Variants in ST6GALNAC3 observed in about 807,000 individuals in gnomAD.
The protein encoded by ST6GALNAC3 is ST6 N-acetylgalactosaminide alpha-2,6-sialyltransferase 3, also known as alpha-N-acetylgalactosaminide alpha-2,6-sialyltransferase 3.
A neutral mutation model predicts 32.7 loss-of-function variants in ST6GALNAC3; 25 were observed. The observed-to-expected ratio is 0.76, with a 90% CI of 0.56 to 1.07. The LOEUF is 1.07. ST6GALNAC3 is among the 50% of genes least tolerant of loss of function. The probability of loss-of-function intolerance (pLI) is 0.00; values close to 1 mark genes in which losing one functional copy is unlikely to be tolerated. For missense variants in ST6GALNAC3, 355 were observed against 382.4 expected, an observed-to-expected ratio of 0.93 and a Z score of 0.60; for synonymous variants, 129 against 133.1, an observed-to-expected ratio of 0.97 and a Z score of 0.21.
chr1:76,206,410 A>G (rs374417494), intron 1 of ST6GALNAC3, among the ~76,000 whole-genome samples: 31 of 152,322 alleles, frequency 2.0e-4, no homozygotes, highest in Admixed American at 3.9e-4. Context: ...GCAGTTGACA[A>G]TATTTCCTAG....
chr1:76,277,557 TATATATATATAC>T (rs1659218492), intron 1 of ST6GALNAC3, among the ~76,000 whole-genome samples: 3 of 56,918 alleles, frequency 5.3e-5, no homozygotes, highest in Non-Finnish European at 9.5e-5. Context: ...TATATATATA[TATATATATATAC>T]ACACACACAT....
intron 1 of ST6GALNAC3, among the ~76,000 whole-genome samples, chr1:76,120,110 T>C (rs1031936062): frequency 6.6e-6 from 1 of 152,250 alleles, no homozygotes; most frequent in Admixed American, 6.5e-5. Context: ...TTGAAGGACC[T>C]TCCAAAGTCA....
chr1:76,387,767 G>A (rs768772729), intron 2 of ST6GALNAC3, among the ~76,000 whole-genome samples: 67 of 152,056 alleles, frequency 4.4e-4, no homozygotes, highest in Non-Finnish European at 8.2e-4. Flanking sequence ...TCTTAAAATT[G>A]GTTTTTTGAT....
In ST6GALNAC3 at chr1:76,509,957, A is replaced by G. The variant is rs1037260270; in HGVS notation, c.623+97540A>G. On this transcript the variant is annotated intron_variant, in intron 3 of 4. Transcript: ENST00000328299. This position sits in a 1 kb window ranked among gnomAD's most constrained non-coding sequence, Gnocchi z 5.5. ...ACAGGTTTCAAGTATTAGAGTGGGGATATCTTTAGGGAGCTATTATTCTAT... is the reference window on the plus strand; with the variant it reads ...ACAGGTTTCAAGTATTAGAGTGGGGGTATCTTTAGGGAGCTATTATTCTAT... Among the ~76,000 whole-genome samples, 23 of 152,148 alleles carry G rather than the reference A, an allele frequency of 1.5e-4. No homozygotes were observed. The highest frequency in any genetic ancestry group is 5.6e-4 in the African/African-American group (23 of 41,440).
chr1:76,398,716 A>G (rs1253658126), intron 2 of ST6GALNAC3, among the ~76,000 whole-genome samples: 1 of 152,158 alleles, frequency 6.6e-6, no homozygotes, highest in Non-Finnish European at 1.5e-5. Context: ...CAAAAAGAAT[A>G]CATTTTTATA....
intron 1 of ST6GALNAC3, among the ~76,000 whole-genome samples, chr1:76,101,469 G>A (rs1647224692): frequency 6.6e-6 from 1 of 152,060 alleles, no homozygotes; most frequent in African/African-American, 2.4e-5. Context: ...TTCTGTATTC[G>A]TAAACACAGA....
At chr1:76,294,550 G>C (rs1194550427) in intron 1 of ST6GALNAC3, among the ~76,000 whole-genome samples, 4 of 152,050 alleles carry the variant, frequency 2.6e-5, no homozygotes, top group Non-Finnish European at 5.9e-5. Flanking sequence ...GCTTTAACCT[G>C]CCCGGAATAA....
intron 2 of ST6GALNAC3, among the ~76,000 whole-genome samples, chr1:76,331,914 A>G (rs1001418963): frequency 1.3e-5 from 2 of 152,178 alleles, no homozygotes; most frequent in African/African-American, 4.8e-5. Context: ...CCTGCCTAAA[A>G]TATCTCATGA....
chr1:76,280,418 T>G (rs980322553), intron 1 of ST6GALNAC3, among the ~76,000 whole-genome samples: 1 of 152,224 alleles, frequency 6.6e-6, no homozygotes, highest in African/African-American at 2.4e-5. Flanking sequence ...ATGGATTATA[T>G]TTCTTGCATA....
intron 1 of ST6GALNAC3, among the ~76,000 whole-genome samples, chr1:76,279,675 G>A (rs1309746522): frequency 6.6e-6 from 1 of 152,168 alleles, no homozygotes; most frequent in Non-Finnish European, 1.5e-5. Context: ...AGGCGGAAGT[G>A]GCGTCCATGG....
At chr1:76,553,743 CT>C in intron 3 of ST6GALNAC3, among the ~76,000 whole-genome samples, 1 of 152,252 alleles carries the variant, frequency 6.6e-6, no homozygotes, top group East Asian at 1.9e-4. Flanking sequence ...TTTTGTAGAT[CT>C]GATGCTAAGC....
intron 1 of ST6GALNAC3, among the ~76,000 whole-genome samples, chr1:76,291,497 C>T (rs777899186): frequency 3.3e-5 from 5 of 152,216 alleles, no homozygotes; most frequent in Admixed American, 1.3e-4. Context: ...AAGTATGTTA[C>T]AATCACCAAG....
rs1033847295 is a variant in ST6GALNAC3 at position 76,289,377 on chromosome 1, C to T, written c.19-24428C>T. On this transcript the variant is annotated intron_variant, in intron 1 of 4. Coordinates refer to ENST00000328299, the MANE Select transcript of ST6GALNAC3 (RefSeq NM_152996.4). ...ATTGCTAGGCAACCTATGGTATGTA[C>T]TTAACTTCTCTGTGCTTCCGATTAC... 7.9e-5 allele frequency among the ~76,000 whole-genome samples: 12 copies of T among 152,314 alleles called. No homozygotes were observed. The East Asian group carries it at 2.3e-3, about 29-fold the overall frequency.
intron 2 of ST6GALNAC3, among the ~76,000 whole-genome samples, chr1:76,336,733 C>T (rs1305583392): frequency 6.6e-6 from 1 of 152,208 alleles, no homozygotes; most frequent in Non-Finnish European, 1.5e-5. Flanking sequence ...ACAGGAACTC[C>T]TTTTATCCCC....
chr1:76,437,416 G>A (rs1656215825), intron 3 of ST6GALNAC3, among the ~76,000 whole-genome samples: 1 of 151,970 alleles, frequency 6.6e-6, no homozygotes, highest in Non-Finnish European at 1.5e-5. Context: ...GATTTTCAGT[G>A]TCTGATTGTT....
At chr1:76,340,504 T>C (rs1267214785) in intron 2 of ST6GALNAC3, among the ~76,000 whole-genome samples, 1 of 152,092 alleles carries the variant, frequency 6.6e-6, no homozygotes, top group Non-Finnish European at 1.5e-5. Flanking sequence ...ATCAAGAAAT[T>C]CAAAGACCTC....
intron 2 of ST6GALNAC3, among the ~76,000 whole-genome samples, chr1:76,319,112 T>C (rs1646920819): frequency 6.6e-6 from 1 of 152,148 alleles, no homozygotes; most frequent in Non-Finnish European, 1.5e-5. Flanking sequence ...CAGATCTTAT[T>C]GGTAATCAGT....
chr1:76,125,225 A>C (rs2100847723), intron 1 of ST6GALNAC3, among the ~76,000 whole-genome samples: 1 of 152,262 alleles, frequency 6.6e-6, no homozygotes, highest in East Asian at 1.9e-4. Flanking sequence ...TTTAGAGTCA[A>C]AGGTCAGTCA....
intron 1 of ST6GALNAC3, among the ~76,000 whole-genome samples, chr1:76,188,485 A>G (rs892605425): frequency 1.3e-5 from 2 of 152,184 alleles, no homozygotes; most frequent in Non-Finnish European, 2.9e-5. Flanking sequence ...GGATTGTTGT[A>G]TATGCGAAAT....
Sources: allele counts gnomAD v4.1 joint callset (sites outside exome capture counted in the v4.1 genomes callset), GRCh38; gene constraint gnomAD v4.1.1; non-coding constraint Gnocchi (gnomAD v3.1); transcripts MANE v1.5; gene names NCBI Gene and HGNC (gene_info 2026-07-23, HGNC 2026-07-21).